The following HEXB variants were observed in gnomAD, a reference collection of about 807,000 sequenced individuals.
HEXB encodes the protein beta-hexosaminidase subunit beta.
A neutral mutation model predicts 71.2 loss-of-function variants in HEXB; 51 were observed. The ratio of observed to expected loss-of-function variants is 0.72; its 90% CI spans 0.57 to 0.90. The LOEUF (loss-of-function observed/expected upper bound fraction) is 0.90, where lower values mean the gene tolerates loss of function less well. Ranked by LOEUF, HEXB falls within the 40% of genes least tolerant of loss-of-function variation. The pLI, the probability that HEXB is intolerant of heterozygous loss-of-function variation, is 0.00. For missense variants in HEXB, 617 were observed against 677.0 expected (o/e 0.91, Z 0.98); for synonymous variants, 266 against 249.3 (o/e 1.07, Z -0.63).
At chr5:74,644,512 GA>G (rs1205235333) in intron 1 of HEXB, among the ~76,000 whole-genome samples, 1 of 152,022 alleles carries the variant, frequency 6.6e-6, no homozygotes, top group Non-Finnish European at 1.5e-5. Context: ...TTTTTAAAAA[GA>G]GAGAGAGAGG....
At position 74,685,482 on chromosome 5, in the gene HEXB, G is replaced by T; in HGVS notation, c.222G>T (p.Pro74=). 2 of 1,611,416 alleles carry T rather than the reference G, an allele frequency of 1.2e-6. No individual in the cohort carries two copies. The highest frequency in any genetic ancestry group is 1.7e-6 in the Non-Finnish European group (2 of 1,179,008). The change falls in exon 1 of 14, where the codon CCG becomes CCT. Residue 74 remains proline, a synonymous_variant. Transcript: ENST00000261416. ...KMTPNLLHLA[P]ENFYISHSPN... ...CCCCGAACCTGCTGCATCTCGCCCC[G>T]GAGAACTTCTACATCAGCCACAGCC...
chr5:74,692,813 C>T (rs1177470758), intron 2 of HEXB, among the ~76,000 whole-genome samples: 4 of 152,196 alleles, frequency 2.6e-5, no homozygotes, highest in Non-Finnish European at 5.9e-5. Flanking sequence ...CTGTTACACC[C>T]TTTAGCTTTC....
upstream of HEXB, among the ~76,000 whole-genome samples, chr5:74,682,221 G>A (rs1748751162): frequency 6.6e-6 from 1 of 152,244 alleles, no homozygotes; most frequent in African/African-American, 2.4e-5. Context: ...AGCCGGGCGT[G>A]GTGGCGGGCG....
Position 74,721,257 on chromosome 5 carries a change from GTT to G in HEXB, c.*87_*88del. On this transcript the variant is annotated 3_prime_UTR_variant, in exon 14 of 14. Coordinates refer to ENST00000261416, the MANE Select transcript of HEXB (RefSeq NM_000521.4). The stretch of plus-strand genomic sequence containing the variant: ...ATCATGTAAAATAAGATATTAGACT[GTT>G]TTTTGAATAAAATATTTTTATTGAT... 5.8e-6 allele frequency: 5 copies of G among 868,906 alleles called. No individual in the cohort carries two copies. The highest frequency in any genetic ancestry group is 8.9e-6 in the Non-Finnish European group (5 of 562,228). 53.8% of individuals were successfully genotyped at this position (868,906 alleles called of 1,614,324 possible).
intron 1 of HEXB, among the ~76,000 whole-genome samples, chr5:74,644,375 C>T (rs1214815298): frequency 6.6e-6 from 1 of 152,180 alleles, no homozygotes; most frequent in Non-Finnish European, 1.5e-5. Flanking sequence ...GAGCTGCCAG[C>T]ACACACAGAG....
intron 6 of HEXB, among the ~76,000 whole-genome samples, chr5:74,707,117 C>T (rs1427435385): frequency 5.9e-5 from 9 of 152,150 alleles, no homozygotes; most frequent in Admixed American, 5.2e-4. Flanking sequence ...GATCAGACAG[C>T]AGCATTCACG....
intron 1 of HEXB, among the ~76,000 whole-genome samples, chr5:74,678,405 T>A (rs1177791048): frequency 6.6e-6 from 1 of 151,820 alleles, no homozygotes; most frequent in Non-Finnish European, 1.5e-5. Flanking sequence ...CAGAACAGAA[T>A]AAAGAGCCTC....
chr5:74,643,561 C>T (rs144239830), intron 1 of HEXB, among the ~76,000 whole-genome samples: 13 of 152,318 alleles, frequency 8.5e-5, no homozygotes, highest in Non-Finnish European at 1.8e-4. Context: ...ACCAAAGTCT[C>T]ATTTTTTAAT....
intron 3 of HEXB, among the ~76,000 whole-genome samples, chr5:74,696,420 T>C (rs1425094399): frequency 6.6e-6 from 1 of 152,176 alleles, no homozygotes; most frequent in Non-Finnish European, 1.5e-5. Flanking sequence ...CTTTTGTCTA[T>C]ATTGAAACAA....
At position 74,714,868 on chromosome 5, in the gene HEXB, C is replaced by T. The variant is rs555973131; in HGVS notation, c.902-642C>T. 2.0e-5 allele frequency among the ~76,000 whole-genome samples: 3 copies of T among 152,248 alleles called. No individual in the cohort carries two copies. The East Asian group carries it at 5.8e-4, about 29-fold the overall frequency. On this transcript the variant is annotated intron_variant, in intron 7 of 13. Transcript: ENST00000261416. ...GAGGAATGTGAACTTCATCAGGACA[C>T]ACTGGAAACCAGTGAAAATTTCTGA...
chr5:74,650,925 C>CAAA (rs34224491), intron 1 of HEXB, among the ~76,000 whole-genome samples: 92 of 95,474 alleles, frequency 9.6e-4, no homozygotes, highest in African/African-American at 3.6e-3. Context: ...GACTCTGTCT[C>CAAA]AAAAAAAAAA....
At chr5:74,642,034 G>A (rs1747905394) in intron 1 of HEXB, among the ~76,000 whole-genome samples, 1 of 152,124 alleles carries the variant, frequency 6.6e-6, no homozygotes, top group Non-Finnish European at 1.5e-5. Flanking sequence ...AAAACACTAG[G>A]CGCAGGAGCG....
At chr5:74,651,148 G>A (rs934425977) in intron 1 of HEXB, among the ~76,000 whole-genome samples, 6 of 152,000 alleles carry the variant, frequency 3.9e-5, no homozygotes, top group African/African-American at 1.5e-4. Flanking sequence ...CTGCAAGGTG[G>A]GTATTATAAT....
intron 2 of HEXB, among the ~76,000 whole-genome samples, chr5:74,691,259 GA>G (rs1354579979): frequency 6.6e-6 from 1 of 152,186 alleles, no homozygotes; most frequent in African/African-American, 2.4e-5. Context: ...GGACATGTTG[GA>G]GGAGGTGACA....
chr5:74,685,736 A>T (rs1394777461), intron 1 of HEXB, among the ~76,000 whole-genome samples, 177 bp downstream of exon 1: 1 of 151,524 alleles, frequency 6.6e-6, no homozygotes, highest in East Asian at 1.9e-4. Flanking sequence ...CCACCCTCCT[A>T]CTGCTTCTTA....
At chr5:74,705,559 C>A in intron 6 of HEXB, 1 of 487,792 alleles carries the variant, frequency 2.1e-6, no homozygotes, top group South Asian at 2.3e-5. Context: ...AAGTGTAAAT[C>A]GAAATTTAAC....
At chr5:74,680,282 T>C (rs1019437180), upstream of HEXB, among the ~76,000 whole-genome samples, 7 of 152,242 alleles carry the variant, frequency 4.6e-5, no homozygotes, top group African/African-American at 1.7e-4. Context: ...GATTTTGGAA[T>C]TGCTACAGAC....
intron 1 of HEXB, among the ~76,000 whole-genome samples, chr5:74,670,551 C>A (rs573048958): frequency 1.3e-5 from 2 of 152,192 alleles, no homozygotes; most frequent in Non-Finnish European, 2.9e-5. Context: ...GCAGCTGCCT[C>A]ATGTAACAGG....
At chr5:74,709,652 T>G (rs1235018046) in intron 6 of HEXB, among the ~76,000 whole-genome samples, 1 of 152,104 alleles carries the variant, frequency 6.6e-6, no homozygotes, top group Admixed American at 6.5e-5. Flanking sequence ...CAGAGAATAC[T>G]ACAAACACCT....
Sources: allele counts gnomAD v4.1 joint callset (sites outside exome capture counted in the v4.1 genomes callset), GRCh38; gene constraint gnomAD v4.1.1; transcripts MANE v1.5; gene names NCBI Gene and HGNC (gene_info 2026-07-23, HGNC 2026-07-21).